The following KCNJ3 variants were observed in gnomAD, a reference collection of about 807,000 sequenced individuals.
KCNJ3 encodes G protein-activated inward rectifier potassium channel 1.
KCNJ3 carries 4 observed loss-of-function variants against 39.2 expected under a neutral mutation model. The ratio of observed to expected loss-of-function variants is 0.10; its 90% confidence interval spans 0.05 to 0.23. The LOEUF (loss-of-function observed/expected upper bound fraction) is 0.23, where lower values mean the gene tolerates loss of function less well. Ranked by LOEUF, KCNJ3 falls within the 10% of genes least tolerant of loss-of-function variation. KCNJ3 has a pLI of 1.00. For missense variants in KCNJ3, 276 were observed against 634.9 expected (o/e 0.43, Z 6.08); for synonymous variants, 230 against 237.4 (o/e 0.97, Z 0.29).
chr2:154,782,727 A>G (rs1173216072), intron 2 of KCNJ3, among the ~76,000 whole-genome samples: 1 of 152,204 alleles, frequency 6.6e-6, no homozygotes, highest in Non-Finnish European at 1.5e-5. Context: ...ACAGTGTTCT[A>G]CAACTCAGAT....
chr2:154,848,794 C>T, intron 2 of KCNJ3, among the ~76,000 whole-genome samples: 1 of 152,112 alleles, frequency 6.6e-6, no homozygotes, highest in East Asian at 1.9e-4. Flanking sequence ...GCCCCAGGGT[C>T]GTCTGACACC....
chr2:154,856,857 G>A lies in KCNJ3; in HGVS notation c.*1544G>A, dbSNP rs1381234456. On this transcript the variant is annotated 3_prime_UTR_variant, in exon 3 of 3. Coordinates refer to ENST00000295101, the MANE Select transcript of KCNJ3 (RefSeq NM_002239.4). ...AAGTGCTCCTTAACAGAATATCATGGGTTTTCCTATAAAACTTCTTTAAGT... is the reference window on the plus strand; with the variant it reads ...AAGTGCTCCTTAACAGAATATCATGAGTTTTCCTATAAAACTTCTTTAAGT... The A allele has an allele frequency of 6.6e-6, 1 of 151,866 alleles. No individual in the cohort carries two copies. Among genetic ancestry groups the A allele is most frequent in the African/African-American group, 2.4e-5 (1 of 41,308 alleles). The allele number at this position is 151,866 out of a possible 1,614,324, so 9.4% of individuals were successfully genotyped here. A position where few individuals can be genotyped will look rare whatever the true frequency, so the allele number is the denominator to read the frequency against.
chr2:154,744,393 T>C (rs1685703300), intron 2 of KCNJ3, among the ~76,000 whole-genome samples: 1 of 151,772 alleles, frequency 6.6e-6, no homozygotes, highest in Non-Finnish European at 1.5e-5. Flanking sequence ...AAGGTATTGT[T>C]TATAACTAGT....
At chr2:154,850,400 A>G (rs773758009) in intron 2 of KCNJ3, among the ~76,000 whole-genome samples, 6 of 152,172 alleles carry the variant, frequency 3.9e-5, no homozygotes, top group Non-Finnish European at 8.8e-5. Context: ...CCATAATGAT[A>G]TCTACTTTAA....
chr2:154,732,458 C>T (rs946176024), intron 2 of KCNJ3, among the ~76,000 whole-genome samples: 1 of 152,014 alleles, frequency 6.6e-6, no homozygotes, highest in African/African-American at 2.4e-5. Context: ...CAAACAAAAA[C>T]ATCTTACAGG....
chr2:154,836,921 A>T (rs1231464437), intron 2 of KCNJ3, among the ~76,000 whole-genome samples: 1 of 152,240 alleles, frequency 6.6e-6, no homozygotes, highest in Non-Finnish European at 1.5e-5. Context: ...AAGATGTGGC[A>T]GCCTATGTAA....
At chr2:154,772,387 T>C (rs1015546862) in intron 2 of KCNJ3, among the ~76,000 whole-genome samples, 8 of 152,042 alleles carry the variant, frequency 5.3e-5, no homozygotes, top group Non-Finnish European at 1.2e-4. Flanking sequence ...TATGGCAAAG[T>C]GTTTCTTTTT....
intron 2 of KCNJ3, among the ~76,000 whole-genome samples, chr2:154,733,108 T>C (rs913032766): frequency 3.9e-5 from 6 of 152,180 alleles, no homozygotes; most frequent in African/African-American, 7.2e-5. Context: ...ATTTTACTTA[T>C]GGTAAGAACC....
At chr2:154,722,729 C>T (rs1184894688) in intron 2 of KCNJ3, among the ~76,000 whole-genome samples, 1 of 152,072 alleles carries the variant, frequency 6.6e-6, no homozygotes, top group Non-Finnish European at 1.5e-5. Flanking sequence ...ACCTTGGAGA[C>T]AGTGTAAAAT....
At chr2:154,826,155 C>T (rs1336800784) in intron 2 of KCNJ3, among the ~76,000 whole-genome samples, 4 of 152,080 alleles carry the variant, frequency 2.6e-5, no homozygotes, top group African/African-American at 9.7e-5. Flanking sequence ...TTACCTATGG[C>T]ATCCTTTGTC....
chr2:154,724,471 T>C (rs1032246803), intron 2 of KCNJ3, among the ~76,000 whole-genome samples: 1 of 152,126 alleles, frequency 6.6e-6, no homozygotes, highest in African/African-American at 2.4e-5. Context: ...AATCAACTTT[T>C]CGTACAGCTC....
At chr2:154,764,171 T>C (rs1250437536) in intron 2 of KCNJ3, among the ~76,000 whole-genome samples, 1 of 152,248 alleles carries the variant, frequency 6.6e-6, no homozygotes, top group Non-Finnish European at 1.5e-5. Flanking sequence ...CATTATATTC[T>C]GGGCTAAAAT....
At chr2:154,717,361 A>G in intron 2 of KCNJ3, among the ~76,000 whole-genome samples, 1 of 152,180 alleles carries the variant, frequency 6.6e-6, no homozygotes, top group East Asian at 1.9e-4. Context: ...GAACACCATG[A>G]TCATATTGGT....
chr2:154,711,279 T>C (rs1411912120), intron 2 of KCNJ3, among the ~76,000 whole-genome samples: 1 of 152,114 alleles, frequency 6.6e-6, no homozygotes, highest in Non-Finnish European at 1.5e-5. Flanking sequence ...TTTACTCATC[T>C]CATTTATTAA....
chr2:154,799,177 G>C, intron 2 of KCNJ3, among the ~76,000 whole-genome samples: 1 of 152,168 alleles, frequency 6.6e-6, no homozygotes, highest in East Asian at 1.9e-4. Flanking sequence ...TGTGGCCCAG[G>C]CTGGAGTGCA....
chr2:154,742,892 CTTTTAT>C (rs1032947651), intron 2 of KCNJ3, among the ~76,000 whole-genome samples: 2 of 151,586 alleles, frequency 1.3e-5, no homozygotes, highest in Non-Finnish European at 3.0e-5. Context: ...TCCAATTTGT[CTTTTAT>C]TTTAGTTATC....
intron 2 of KCNJ3, among the ~76,000 whole-genome samples, chr2:154,771,882 C>T (rs184385723): frequency 4.5e-4 from 69 of 152,248 alleles, no homozygotes; most frequent in African/African-American, 1.5e-3. Context: ...AATTACTAAA[C>T]GGATACCCTG....
chr2:154,818,772 T>C (rs1310328036), intron 2 of KCNJ3, among the ~76,000 whole-genome samples: 1 of 152,168 alleles, frequency 6.6e-6, no homozygotes, highest in Non-Finnish European at 1.5e-5. Flanking sequence ...TGTGATTACA[T>C]GCATGGAAGT....
intron 2 of KCNJ3, among the ~76,000 whole-genome samples, chr2:154,744,579 T>C (rs1219170288): frequency 1.3e-5 from 2 of 151,980 alleles, no homozygotes; most frequent in Non-Finnish European, 3.0e-5. Flanking sequence ...AATTAGTGCA[T>C]TTCCTCTAGG....
Sources: gnomAD v4.1 joint callset for allele counts (sites outside exome capture counted in the v4.1 genomes callset) on GRCh38, gnomAD v4.1.1 for gene constraint, MANE v1.5 for transcripts, NCBI Gene and HGNC (gene_info 2026-07-23, HGNC 2026-07-21) for gene names.